Variants in ANKS1B observed in about 807,000 individuals in gnomAD.
ANKS1B encodes ankyrin repeat and sterile alpha motif domain containing 1B.
A neutral mutation model predicts 148.3 loss-of-function variants in ANKS1B; 36 were observed. That is an observed-to-expected ratio of 0.24 (90% CI 0.19 to 0.32). The LOEUF (loss-of-function observed/expected upper bound fraction) is 0.32, where lower values mean the gene tolerates loss of function less well. Among genes scored for constraint, ANKS1B ranks in the 10% least tolerant of loss-of-function variants. The pLI, the probability that ANKS1B is intolerant of heterozygous loss-of-function variation, is 1.00. For missense variants in ANKS1B, 1,157 were observed against 1,542.6 expected (o/e 0.75, Z 4.19); for synonymous variants, 542 against 560.8 (o/e 0.97, Z 0.47).
chr12:99,091,464 G>C lies in ANKS1B; in HGVS notation c.2527-6441C>G, dbSNP rs547114500. On this transcript the variant is annotated intron_variant, in intron 15 of 26. Transcript: ENST00000683438. ...TAGAATTATGTGTATTTGTAAAAGA[G>C]TGCAAAATAATTTATACAGTAATTT... 5.3e-4 allele frequency among the ~76,000 whole-genome samples: 81 copies of C among 152,276 alleles called. 1 individual carries two copies. Among genetic ancestry groups the C allele is most frequent in the African/African-American group, 1.8e-3 (73 of 41,580 alleles).
chr12:99,983,452 A>C (rs1417895319), intron 1 of ANKS1B, among the ~76,000 whole-genome samples: 1 of 152,172 alleles, frequency 6.6e-6, no homozygotes. Context: ...ACAGTATCCC[A>C]ATACCAACCT....
intron 8 of ANKS1B, among the ~76,000 whole-genome samples, chr12:99,681,427 G>T (rs1251449885): frequency 6.6e-6 from 1 of 152,168 alleles, no homozygotes; most frequent in Admixed American, 6.5e-5. Flanking sequence ...GACACTCACG[G>T]AGTCCACTTC....
intron 1 of ANKS1B, among the ~76,000 whole-genome samples, chr12:99,904,985 TG>T (rs1413752711): frequency 6.6e-6 from 1 of 152,242 alleles, no homozygotes; most frequent in Non-Finnish European, 1.5e-5. Flanking sequence ...AAATATTTGT[TG>T]AACTAAAAGA....
chr12:99,128,154 C>T (rs1234305464), intron 15 of ANKS1B, among the ~76,000 whole-genome samples: 3 of 152,026 alleles, frequency 2.0e-5, no homozygotes, highest in African/African-American at 7.2e-5. Flanking sequence ...TCATATTAGC[C>T]CTCAGCGTGG....
At chr12:99,263,851 T>C (rs779911727) in intron 12 of ANKS1B, among the ~76,000 whole-genome samples, 1 of 152,208 alleles carries the variant, frequency 6.6e-6, no homozygotes, top group South Asian at 2.1e-4. Flanking sequence ...GTGAGTCAAC[T>C]AAACCTCTTT....
At chr12:99,130,230 CAT>C (rs1270687043) in intron 15 of ANKS1B, among the ~76,000 whole-genome samples, 1 of 152,118 alleles carries the variant, frequency 6.6e-6, no homozygotes, top group Non-Finnish European at 1.5e-5. Flanking sequence ...TATTTCTTAA[CAT>C]ATGATTTTGT....
At chr12:99,381,208 G>A (rs532176733) in intron 12 of ANKS1B, among the ~76,000 whole-genome samples, 1 of 152,032 alleles carries the variant, frequency 6.6e-6, no homozygotes, top group Admixed American at 6.5e-5. Flanking sequence ...AAGCCACCCA[G>A]TTTGTGGTAC....
intron 17 of ANKS1B, among the ~76,000 whole-genome samples, chr12:99,009,695 T>A (rs186964731): frequency 6.6e-6 from 1 of 152,230 alleles, no homozygotes; most frequent in East Asian, 1.9e-4. Context: ...CTAGGCAGAA[T>A]GTGAAATAAG....
rs1013195351 is a variant in ANKS1B at position 99,666,485 on chromosome 12, T to G, written c.1129-11275A>C. ...TCCATCAACAATATTTTTATAGTCT[T>G]CAGTGTACAGGTCTTGCCCATATCC... On this transcript the variant is annotated intron_variant, in intron 8 of 26. Coordinates refer to ENST00000683438, the MANE Select transcript of ANKS1B (RefSeq NM_001352186.2). Among the ~76,000 whole-genome samples the G allele has an allele frequency of 2.6e-5, 4 of 152,206 alleles. No individual in the cohort carries two copies. The East Asian group carries it at 7.7e-4, about 29-fold the overall frequency.
intron 10 of ANKS1B, among the ~76,000 whole-genome samples, chr12:99,489,236 C>A: frequency 7.4e-6 from 1 of 135,222 alleles, no homozygotes; most frequent in South Asian, 2.5e-4. Context: ...AGCAAGACTC[C>A]ATCTCAGAAA....
At chr12:99,667,082 A>G (rs1415136270) in intron 8 of ANKS1B, among the ~76,000 whole-genome samples, 2 of 152,172 alleles carry the variant, frequency 1.3e-5, no homozygotes, top group African/African-American at 4.8e-5. Context: ...GCAGTGGTTC[A>G]TGCCTAGAAT....
At chr12:99,812,395 G>C in intron 2 of ANKS1B, 84 bp from the exon 3 acceptor site, 3 of 1,400,434 alleles carry the variant, frequency 2.1e-6, no homozygotes, top group Non-Finnish European at 2.9e-6. Context: ...AATACTAGAT[G>C]CTGGGTGGGA....
intron 22 of ANKS1B, chr12:98,794,874 T>C (rs1183014079): frequency 1.4e-5 from 23 of 1,603,370 alleles, no homozygotes; most frequent in Non-Finnish European, 1.9e-5. Flanking sequence ...AAAACATCCA[T>C]CTTATCCGAG....
chr12:98,916,388 C>G (rs866478704), intron 17 of ANKS1B, among the ~76,000 whole-genome samples: 1 of 152,182 alleles, frequency 6.6e-6, no homozygotes, highest in African/African-American at 2.4e-5. Flanking sequence ...CTGACAGCCA[C>G]GTTTAAGGAG....
intron 12 of ANKS1B, among the ~76,000 whole-genome samples, chr12:99,297,732 C>T (rs1161623263): frequency 1.3e-5 from 2 of 152,102 alleles, no homozygotes; most frequent in Non-Finnish European, 2.9e-5. Flanking sequence ...CTTTCCCCTT[C>T]CAAGTGACTC....
At chr12:99,666,854 TGG>T (rs34364839) in intron 8 of ANKS1B, among the ~76,000 whole-genome samples, 2 of 118,956 alleles carry the variant, frequency 1.7e-5, no homozygotes, top group Admixed American at 8.3e-5. Flanking sequence ...ATAGTTACTA[TGG>T]GGTGTGTGTG....
At chr12:99,765,429 G>C (rs1408918999) in intron 8 of ANKS1B, among the ~76,000 whole-genome samples, 1 of 152,044 alleles carries the variant, frequency 6.6e-6, no homozygotes, top group Non-Finnish European at 1.5e-5. Flanking sequence ...ACTTTTGTGT[G>C]AACTACTCTC....
At chr12:99,602,180 A>G (rs1326654646) in intron 9 of ANKS1B, among the ~76,000 whole-genome samples, 3 of 151,880 alleles carry the variant, frequency 2.0e-5, no homozygotes, top group Non-Finnish European at 4.4e-5. Flanking sequence ...TTGTGGTACC[A>G]TTTTCTGAGC....
intron 1 of ANKS1B, among the ~76,000 whole-genome samples, chr12:99,976,633 A>G (rs1393258061): frequency 6.6e-6 from 1 of 152,226 alleles, no homozygotes; most frequent in Non-Finnish European, 1.5e-5. Context: ...AACCACTTCA[A>G]ATAAAGCTAC....
Sources: allele counts gnomAD v4.1 joint callset (sites outside exome capture counted in the v4.1 genomes callset), GRCh38; gene constraint gnomAD v4.1.1; transcripts MANE v1.5; gene names NCBI Gene and HGNC (gene_info 2026-07-23, HGNC 2026-07-21).